The following HLA-DPB1 variants were observed in gnomAD, a reference collection of about 807,000 sequenced individuals.
The protein encoded by HLA-DPB1 is HLA class II histocompatibility antigen, DP beta 1 chain.
Under a neutral mutation model 29.4 loss-of-function variants are expected in HLA-DPB1, and 30 were observed. The observed-to-expected ratio is 1.02, with a 90% confidence interval of 0.76 to 1.38. The LOEUF (loss-of-function observed/expected upper bound fraction) is 1.38, where lower values mean the gene tolerates loss of function less well. Among genes scored for constraint, HLA-DPB1 ranks in the 40% most tolerant of loss-of-function variants. The pLI is 0.00. For synonymous variants in HLA-DPB1, 114 were observed against 134.0 expected (o/e 0.85, Z 1.03); for missense variants, 261 against 327.5 (o/e 0.80, Z 1.57).
At chr6:33,084,315 C>G (rs1432942443) in intron 2 of HLA-DPB1, among the ~76,000 whole-genome samples, 1 of 152,198 alleles carries the variant, frequency 6.6e-6, no homozygotes, top group Non-Finnish European at 1.5e-5. Context: ...AGAGTGCAAA[C>G]TCTGTCTCCC....
intron 1 of HLA-DPB1, among the ~76,000 whole-genome samples, chr6:33,078,626 CAA>C (rs34544512): frequency 1.3e-5 from 2 of 150,970 alleles, no homozygotes; most frequent in Non-Finnish European, 3.0e-5. Context: ...TTCTTATATA[CAA>C]AAAAAAATGA....
At chr6:33,078,195 A>C (rs1410507159) in intron 1 of HLA-DPB1, among the ~76,000 whole-genome samples, 1 of 152,134 alleles carries the variant, frequency 6.6e-6, no homozygotes, top group African/African-American at 2.4e-5. Flanking sequence ...GGACGGGCAA[A>C]GGCTGGGTTG....
At chr6:33,078,452 CT>C (rs1037521801) in intron 1 of HLA-DPB1, among the ~76,000 whole-genome samples, 4 of 152,058 alleles carry the variant, frequency 2.6e-5, no homozygotes, top group African/African-American at 9.7e-5. Context: ...CAGGCTATAG[CT>C]TAAAGAGGCT....
At chr6:33,081,035 G>A in intron 2 of HLA-DPB1, 100 bp downstream of exon 2, 1 of 1,327,072 alleles carries the variant, frequency 7.5e-7, no homozygotes, top group Non-Finnish European at 1.0e-6. Context: ...TTAGTGCCGG[G>A]CGGAAAGGGG....
intron 2 of HLA-DPB1, chr6:33,083,840 GGAAATTCACCT>G (rs1263613013): frequency 2.0e-5 from 3 of 152,240 alleles, no homozygotes; most frequent in African/African-American, 7.2e-5. Context: ...GTGGCAGTGT[GGAAATTCACCT>G]GAGAACAACA....
intron 2 of HLA-DPB1, 50 bp from the exon 3 acceptor site, chr6:33,084,896 GGAAA>G (rs1186705685): frequency 1.4e-6 from 1 of 710,348 alleles, no homozygotes; most frequent in Non-Finnish European, 1.9e-6. Flanking sequence ...AAGGAAGGAA[GGAAA>G]GAAGGACAAT....
intron 4 of HLA-DPB1, 36 bp from the exon 5 acceptor site, chr6:33,086,183 A>T: frequency 1.3e-6 from 2 of 1,518,452 alleles, no homozygotes; most frequent in Admixed American, 1.7e-5. Flanking sequence ...GGTGGTTTCA[A>T]TGGCTGATTA....
chr6:33,079,199 C>T (rs1351288906), intron 1 of HLA-DPB1, among the ~76,000 whole-genome samples: 1 of 152,204 alleles, frequency 6.6e-6, no homozygotes, highest in African/African-American at 2.4e-5. Flanking sequence ...ATGAGCAGAA[C>T]AATCACAGCA....
intron 1 of HLA-DPB1, among the ~76,000 whole-genome samples, chr6:33,078,339 G>A (rs1397277109): frequency 1.3e-5 from 2 of 152,092 alleles, no homozygotes; most frequent in African/African-American, 4.8e-5. Flanking sequence ...ATAGGGGAGT[G>A]GGTAAAGTGG....
In HLA-DPB1 at chr6:33,085,060, T is replaced by C. The variant is rs1763036245; in HGVS notation, c.475T>C (p.Phe159Leu). ...FYPGSIQVRW[F>L]LNGQEETAGV... ...CCCAGGCAGCATTCAAGTCCGATGG[T>C]TCCTGAATGGACAGGAGGAAACAGC... Residue 159 changes from phenylalanine (F) to leucine (L), a missense_variant, in exon 3 of 6, where the codon TTC (phenylalanine) becomes CTC (leucine). By Grantham distance (22) the Phe-to-Leu change is conservative. Coordinates refer to ENST00000418931, the MANE Select transcript of HLA-DPB1 (RefSeq NM_002121.6). The C allele has an allele frequency of 6.2e-7, 1 of 1,613,622 alleles. No individual in the cohort carries two copies. Among genetic ancestry groups the C allele is most frequent in the Non-Finnish European group, 8.5e-7 (1 of 1,180,014 alleles).
intron 2 of HLA-DPB1, among the ~76,000 whole-genome samples, chr6:33,081,788 C>G (rs2567289): frequency 0.24 from 36,545 of 151,924 alleles, 7,386 homozygotes; most frequent in African/African-American, 0.56. Flanking sequence ...GGCAGTGTCT[C>G]AGTTCATTCG....
chr6:33,082,093 T>C (rs1762895257), intron 2 of HLA-DPB1: 1 of 152,242 alleles, frequency 6.6e-6, no homozygotes, highest in Non-Finnish European at 1.5e-5. Context: ...TGAAAGGAAG[T>C]TCACCTGCTA....
rs9277543 is a variant in HLA-DPB1 at position 33,087,517 on chromosome 6, G to A, written c.*983G>A. Among the ~76,000 whole-genome samples the A allele has an allele frequency of 0.38, 57,557 of 151,680 alleles. 12,314 individuals carry two copies. The highest frequency in any genetic ancestry group is 0.64 in the East Asian group (3,272 of 5,136). On this transcript the variant is annotated 3_prime_UTR_variant, in exon 6 of 6. Coordinates refer to ENST00000418931, the MANE Select transcript of HLA-DPB1 (RefSeq NM_002121.6). ...TGTTGTAAGCTTTCTTTTTCGTGTA[G>A]AGGATGGATTCTTCACTCCTGATAC...
At position 33,080,212 on chromosome 6, in the gene HLA-DPB1, G is replaced by T. The variant is rs1048724702; in HGVS notation, c.101-460G>T. On this transcript the variant is annotated intron_variant, in intron 1 of 5. Transcript: ENST00000418931. This position sits in a 1 kb window ranked among gnomAD's most constrained non-coding sequence, Gnocchi z 4.3. ...CTATGGAAAAGAGAAAGAAGGAAGGGAGGGCTTCCTGGAGGAGGTGGCATT... is the reference window on the plus strand; with the variant it reads ...CTATGGAAAAGAGAAAGAAGGAAGGTAGGGCTTCCTGGAGGAGGTGGCATT... Among the ~76,000 whole-genome samples, 10 of 152,292 alleles carry T rather than the reference G, an allele frequency of 6.6e-5. No individual in the cohort carries two copies. The highest frequency in any genetic ancestry group is 2.4e-4 in the African/African-American group (10 of 41,560).
At chr6:33,082,344 G>T (rs1762907987) in intron 2 of HLA-DPB1, among the ~76,000 whole-genome samples, 1 of 151,906 alleles carries the variant, frequency 6.6e-6, no homozygotes, top group South Asian at 2.1e-4. Context: ...TCTCCTCCAG[G>T]CCCGCAGGTC....
At chr6:33,081,008 G>C in intron 2 of HLA-DPB1, 73 bp downstream of exon 2, 1 of 1,461,692 alleles carries the variant, frequency 6.8e-7, no homozygotes. Flanking sequence ...GGAGCAGCCG[G>C]GTTGGCCTAA....
At chr6:33,082,211 T>G (rs1762899774) in intron 2 of HLA-DPB1, 1 of 152,074 alleles carries the variant, frequency 6.6e-6, no homozygotes, top group Non-Finnish European at 1.5e-5. Flanking sequence ...AATAACGCAA[T>G]TGGCAAAAAC....
At chr6:33,082,228 T>A (rs901404377) in intron 2 of HLA-DPB1, 3 of 152,236 alleles carry the variant, frequency 2.0e-5, no homozygotes, top group Non-Finnish European at 4.4e-5. Context: ...AAACTGTTAC[T>A]AAGACTTTGT....
At position 33,080,978 on chromosome 6, in the gene HLA-DPB1, G is replaced by C; in HGVS notation, c.364+43G>C. The C allele has an allele frequency of 6.6e-7, 1 of 1,525,326 alleles. No individual in the cohort carries two copies. The highest frequency in any genetic ancestry group is 8.8e-7 in the Non-Finnish European group (1 of 1,141,574). The allele number at this position is 1,525,326 out of a possible 1,614,324, so 94.5% of individuals were successfully genotyped here. A position where few individuals can be genotyped will look rare whatever the true frequency, so the allele number is the denominator to read the frequency against. On this transcript the variant is annotated intron_variant, in intron 2 of 5. Coordinates refer to ENST00000418931, the MANE Select transcript of HLA-DPB1 (RefSeq NM_002121.6). The surrounding 1 kb of genome is among the most constrained non-coding windows in gnomAD (Gnocchi z 4.3). ...GCCGGCGGTCCCAGGGCAGCCCCGC[G>C]GGCCCGTGCCCAGGGCGCAGGAGCA...
Sources: gnomAD v4.1 joint callset for allele counts (sites outside exome capture counted in the v4.1 genomes callset) on GRCh38, gnomAD v4.1.1 for gene constraint, Gnocchi (gnomAD v3.1) non-coding constraint, MANE v1.5 for transcripts, NCBI Gene and HGNC (gene_info 2026-07-23, HGNC 2026-07-21) for gene names.